The following ANKS1B variants were observed in gnomAD, a reference collection of about 807,000 sequenced individuals.
ANKS1B encodes the protein ankyrin repeat and sterile alpha motif domain-containing protein 1B.
ANKS1B carries 36 observed loss-of-function variants against 148.3 expected under a neutral mutation model. That is an observed-to-expected ratio of 0.24 (90% CI 0.19 to 0.32). The LOEUF (loss-of-function observed/expected upper bound fraction) is 0.32, where lower values mean the gene tolerates loss of function less well. Among genes scored for constraint, ANKS1B ranks in the 10% least tolerant of loss-of-function variants. ANKS1B has a pLI of 1.00. For missense variants in ANKS1B, 1,157 were observed against 1,542.6 expected (o/e 0.75, Z 4.19); for synonymous variants, 542 against 560.8 (o/e 0.97, Z 0.47).
intron 8 of ANKS1B, among the ~76,000 whole-genome samples, chr12:99,730,904 ATTTTTG>A (rs1567734670): frequency 6.6e-6 from 1 of 151,794 alleles, no homozygotes; most frequent in Non-Finnish European, 1.5e-5. Context: ...GTTGTTGGGT[ATTTTTG>A]TTTTTGTTTT....
At chr12:99,954,505 T>C (rs1385482264) in intron 1 of ANKS1B, among the ~76,000 whole-genome samples, 1 of 152,258 alleles carries the variant, frequency 6.6e-6, no homozygotes, top group Admixed American at 6.5e-5. Flanking sequence ...AGAATTTATT[T>C]ATCTCTACCA....
At chr12:99,163,326 T>C (rs910747033) in intron 14 of ANKS1B, among the ~76,000 whole-genome samples, 4 of 152,132 alleles carry the variant, frequency 2.6e-5, no homozygotes, top group Admixed American at 2.6e-4. Flanking sequence ...GAGAGAGTGA[T>C]TCTGGATAGA....
At chr12:99,289,260 A>T (rs2079571929) in intron 12 of ANKS1B, among the ~76,000 whole-genome samples, 1 of 152,068 alleles carries the variant, frequency 6.6e-6, no homozygotes, top group Admixed American at 6.6e-5. Context: ...GGAGGATCAG[A>T]TATGTAAAGC....
chr12:99,194,444 GT>G (rs1262449053), intron 14 of ANKS1B, among the ~76,000 whole-genome samples: 1 of 151,528 alleles, frequency 6.6e-6, no homozygotes, highest in Non-Finnish European at 1.5e-5. Flanking sequence ...TAAAAATAGA[GT>G]TTCATATTTT....
intron 9 of ANKS1B, chr12:99,648,845 A>G: frequency 1.3e-6 from 2 of 1,537,244 alleles, no homozygotes; most frequent in South Asian, 2.5e-5. Flanking sequence ...GAGCAGGTAC[A>G]GGTCCTGTAA....
At chr12:99,579,302 G>A (rs755041564) in intron 9 of ANKS1B, among the ~76,000 whole-genome samples, 6 of 152,102 alleles carry the variant, frequency 3.9e-5, no homozygotes, top group African/African-American at 9.7e-5. Flanking sequence ...AAGACTTCAC[G>A]ATGAAGTCTC....
intron 17 of ANKS1B, among the ~76,000 whole-genome samples, chr12:99,036,894 G>A (rs900687787): frequency 2.6e-5 from 4 of 152,240 alleles, no homozygotes; most frequent in African/African-American, 9.6e-5. Context: ...TTCAATCTGT[G>A]TGAGGCTGTG....
At chr12:99,555,171 C>T (rs1175946189) in intron 9 of ANKS1B, among the ~76,000 whole-genome samples, 1 of 152,044 alleles carries the variant, frequency 6.6e-6, no homozygotes, top group African/African-American at 2.4e-5. Flanking sequence ...TGGATATATA[C>T]CCAATAATGG....
chr12:98,793,816 A>C (rs1421480604), intron 22 of ANKS1B, among the ~76,000 whole-genome samples: 2 of 152,188 alleles, frequency 1.3e-5, no homozygotes, highest in Non-Finnish European at 2.9e-5. Context: ...TGTATATTTA[A>C]TTAGGGAAGT....
chr12:99,260,415 T>A (rs776737375), intron 12 of ANKS1B, among the ~76,000 whole-genome samples: 3 of 152,100 alleles, frequency 2.0e-5, no homozygotes, highest in Non-Finnish European at 4.4e-5. Flanking sequence ...ATCCTGTGAG[T>A]TTTCTATTCC....
Position 98,870,534 on chromosome 12 carries a change from A to C in ANKS1B, c.2779-38398T>G, listed in dbSNP as rs143533845. ...ACCACTTTCAGGCCTGCCTGGGAGAAGATATTAGGGCAGCAGGGAGTCCAG... is the reference window on the plus strand; with the variant it reads ...ACCACTTTCAGGCCTGCCTGGGAGACGATATTAGGGCAGCAGGGAGTCCAG... On this transcript the variant is annotated intron_variant, in intron 17 of 26. Transcript: ENST00000683438. Among the ~76,000 whole-genome samples, 47 of 152,338 alleles carry C rather than the reference A, an allele frequency of 3.1e-4. 1 individual carries two copies. Among genetic ancestry groups the C allele is most frequent in the African/African-American group, 1.0e-3 (43 of 41,586 alleles).
At chr12:99,713,746 A>C (rs1052868396) in intron 8 of ANKS1B, among the ~76,000 whole-genome samples, 1 of 152,068 alleles carries the variant, frequency 6.6e-6, no homozygotes, top group Non-Finnish European at 1.5e-5. Flanking sequence ...CTTCCTTCTG[A>C]GCCCTTACTA....
At chr12:99,302,255 C>T (rs1035892201) in intron 12 of ANKS1B, among the ~76,000 whole-genome samples, 2 of 151,960 alleles carry the variant, frequency 1.3e-5, no homozygotes, top group Admixed American at 6.6e-5. Flanking sequence ...GGAATTTTGC[C>T]GCAGTGTTAT....
At chr12:99,188,110 A>G (rs2172284) in intron 14 of ANKS1B, among the ~76,000 whole-genome samples, 45,447 of 152,052 alleles carry the variant, frequency 0.3, 8,311 homozygotes, top group East Asian at 0.54. Context: ...GGCATTACAT[A>G]ATGGTAAAAG....
At chr12:99,582,003 T>C (rs561285223) in intron 9 of ANKS1B, among the ~76,000 whole-genome samples, 1 of 152,014 alleles carries the variant, frequency 6.6e-6, no homozygotes, top group South Asian at 2.1e-4. Context: ...AAAGAATTCT[T>C]ACAACTCAAT....
chr12:99,696,450 T>A (rs73143675), intron 8 of ANKS1B, among the ~76,000 whole-genome samples: 35,613 of 151,968 alleles, frequency 0.23, 4,760 homozygotes, highest in Non-Finnish European at 0.31. Flanking sequence ...GCTCAAGAGA[T>A]CTTTGACAAA....
At chr12:99,816,827 T>C (rs1482572599) in intron 2 of ANKS1B, among the ~76,000 whole-genome samples, 1 of 151,698 alleles carries the variant, frequency 6.6e-6, no homozygotes, top group East Asian at 1.9e-4. Context: ...ATTAGAACAA[T>C]TTAAATTTCA....
At chr12:99,775,463 G>T in intron 7 of ANKS1B, 85 bp downstream of exon 7, 2 of 828,290 alleles carry the variant, frequency 2.4e-6, no homozygotes, top group Admixed American at 2.0e-5. Flanking sequence ...ATAGAGTATA[G>T]GATATAACCT....
At chr12:99,412,106 C>G (rs574990468) in intron 11 of ANKS1B, among the ~76,000 whole-genome samples, 1 of 151,758 alleles carries the variant, frequency 6.6e-6, no homozygotes, top group South Asian at 2.1e-4. Flanking sequence ...TTTAAAATAG[C>G]CTGTTATTAA....
Sources: allele counts gnomAD v4.1 joint callset (sites outside exome capture counted in the v4.1 genomes callset), GRCh38; gene constraint gnomAD v4.1.1; transcripts MANE v1.5; gene names NCBI Gene and HGNC (gene_info 2026-07-23, HGNC 2026-07-21).